HECW1: variants seen among roughly 807,000 people sequenced by gnomAD.
HECW1 encodes E3 ubiquitin-protein ligase HECW1.
HECW1 carries 61 observed loss-of-function variants against 182.3 expected under a neutral mutation model. The ratio of observed to expected loss-of-function variants is 0.33; its 90% CI spans 0.27 to 0.41. HECW1 has a LOEUF of 0.41. HECW1 is among the 10% of genes least tolerant of loss of function. The probability of loss-of-function intolerance (pLI) is 1.00; values close to 1 mark genes in which losing one functional copy is unlikely to be tolerated. For synonymous variants in HECW1, 859 were observed against 832.6 expected (o/e 1.03, Z -0.55); for missense variants, 1,739 against 2,108.9 (o/e 0.82, Z 3.44).
chr7:43,318,488 A>C lies in HECW1; in HGVS notation c.353-2147A>C, dbSNP rs537268976. Among the ~76,000 whole-genome samples the C allele has an allele frequency of 2.6e-5, 4 of 152,380 alleles. No individual in the cohort carries two copies. The South Asian group carries it at 8.3e-4, about 32-fold the overall frequency. On this transcript the variant is annotated intron_variant, in intron 4 of 29. Coordinates refer to ENST00000395891, the MANE Select transcript of HECW1 (RefSeq NM_015052.5). The stretch of plus-strand genomic sequence containing the variant: ...ATCGGTAATGAGTGTTCATTTGCCC[A>C]GTCATTTTTTTGCCAGAGAAGGGGC...
At chr7:43,408,519 C>T (rs1490978642) in intron 8 of HECW1, among the ~76,000 whole-genome samples, 2 of 148,234 alleles carry the variant, frequency 1.3e-5, no homozygotes, top group Non-Finnish European at 3.0e-5. Context: ...CCCATCTCCA[C>T]CAAAAAAAAA....
chr7:43,354,785 G>T (rs967808862), intron 5 of HECW1, among the ~76,000 whole-genome samples: 4 of 152,060 alleles, frequency 2.6e-5, no homozygotes, highest in African/African-American at 4.8e-5. Flanking sequence ...TGAGAAAGAG[G>T]TATATATCCA....
At chr7:43,408,003 C>T (rs190065620) in intron 8 of HECW1, among the ~76,000 whole-genome samples, 1 of 152,314 alleles carries the variant, frequency 6.6e-6, no homozygotes, top group Non-Finnish European at 1.5e-5. Context: ...ACGGCCTTTC[C>T]CTCTGCCCTT....
At chr7:43,451,861 G>A (rs913882232) in intron 12 of HECW1, among the ~76,000 whole-genome samples, 2 of 152,284 alleles carry the variant, frequency 1.3e-5, no homozygotes, top group Non-Finnish European at 2.9e-5. Flanking sequence ...CAGAATGCAA[G>A]GACCCAGTGT....
At chr7:43,125,386 C>A (rs192930233) in intron 2 of HECW1, among the ~76,000 whole-genome samples, 4 of 152,024 alleles carry the variant, frequency 2.6e-5, no homozygotes, top group Admixed American at 6.6e-5. Flanking sequence ...GCTCTGAGTC[C>A]AGAATGAAAA....
intron 2 of HECW1, among the ~76,000 whole-genome samples, chr7:43,150,547 T>C (rs1789185378): frequency 1.3e-5 from 2 of 152,068 alleles, no homozygotes; most frequent in Non-Finnish European, 1.5e-5. Context: ...CCTGGCTAAT[T>C]TTTGTATTTT....
intron 8 of HECW1, among the ~76,000 whole-genome samples, chr7:43,431,462 C>G (rs912385559): frequency 2.0e-5 from 3 of 152,136 alleles, no homozygotes; most frequent in African/African-American, 7.2e-5. Context: ...GACATTTAAC[C>G]AGTCCACACT....
At chr7:43,194,824 G>A (rs1161915295) in intron 2 of HECW1, among the ~76,000 whole-genome samples, 1 of 151,988 alleles carries the variant, frequency 6.6e-6, no homozygotes, top group East Asian at 1.9e-4. Flanking sequence ...CTCCCAAGTA[G>A]CTGGGATTAC....
At chr7:43,158,495 T>C (rs1026250476) in intron 2 of HECW1, among the ~76,000 whole-genome samples, 3 of 152,216 alleles carry the variant, frequency 2.0e-5, no homozygotes, top group Non-Finnish European at 4.4e-5. Flanking sequence ...TTTTCATGCA[T>C]ATCTGTGGGT....
chr7:43,468,912 T>A lies in HECW1; in HGVS notation c.2914-8T>A. 1 of 1,614,014 alleles carries A rather than the reference T, an allele frequency of 6.2e-7. No homozygotes were observed. The highest frequency in any genetic ancestry group is 2.2e-5 in the East Asian group (1 of 44,890). On this transcript the variant is annotated splice_region_variant and splice_polypyrimidine_tract_variant and intron_variant, in intron 15 of 29. Transcript: ENST00000395891. ...ACTCCTTACCCCGTCCGCCCTGACCTGTCTCAGAGTGCCTACCGAGTCTTC... is the reference window on the plus strand; with the variant it reads ...ACTCCTTACCCCGTCCGCCCTGACCAGTCTCAGAGTGCCTACCGAGTCTTC...
chr7:43,497,804 G>A (rs1031828893), intron 19 of HECW1, among the ~76,000 whole-genome samples: 1 of 152,140 alleles, frequency 6.6e-6, no homozygotes, highest in Non-Finnish European at 1.5e-5. Context: ...TTGTGCAGGT[G>A]AATGGATAAT....
chr7:43,392,447 G>T lies in HECW1; in HGVS notation c.556-4367G>T, dbSNP rs574768926. Among the ~76,000 whole-genome samples, 5 of 152,302 alleles carry T rather than the reference G, an allele frequency of 3.3e-5. No homozygotes were observed. In the East Asian group the frequency reaches 7.7e-4, roughly 24 times the overall value. On this transcript the variant is annotated intron_variant, in intron 6 of 29. Transcript: ENST00000395891. ...CAAGAGGCAGCTTAGAAAGTTCTTC[G>T]AAATCTCCTGCTTTACCTTCCAAAT... is the stretch of plus-strand genomic sequence containing the variant.
At chr7:43,320,822 C>A in intron 5 of HECW1, 80 bp downstream of exon 5, 1 of 992,162 alleles carries the variant, frequency 1.0e-6, no homozygotes, top group Non-Finnish European at 1.6e-6. Flanking sequence ...GTTCCCGTTG[C>A]ACTGCCTCCA....
At chr7:43,455,110 T>C (rs1278327377) in intron 12 of HECW1, among the ~76,000 whole-genome samples, 1 of 151,364 alleles carries the variant, frequency 6.6e-6, no homozygotes, top group African/African-American at 2.4e-5. Context: ...TCATCCATGC[T>C]TCCACCTTTT....
At chr7:43,557,223 T>C (rs780830606) in intron 29 of HECW1, among the ~76,000 whole-genome samples, 60 of 152,158 alleles carry the variant, frequency 3.9e-4, no homozygotes, top group Non-Finnish European at 6.2e-4. Context: ...AGACCCAGGG[T>C]GGCATGGGCT....
At chr7:43,542,220 A>T (rs1282237510) in intron 26 of HECW1, among the ~76,000 whole-genome samples, 1 of 152,196 alleles carries the variant, frequency 6.6e-6, no homozygotes, top group African/African-American at 2.4e-5. Flanking sequence ...ACTCCTGGCA[A>T]CTACCATTCT....
At chr7:43,212,245 T>C (rs942768975) in intron 2 of HECW1, among the ~76,000 whole-genome samples, 1 of 152,170 alleles carries the variant, frequency 6.6e-6, no homozygotes, top group African/African-American at 2.4e-5. Flanking sequence ...CTCTCTCAGA[T>C]TAGGGTTGTG....
chr7:43,377,497 G>C lies in HECW1; in HGVS notation c.555+16517G>C, dbSNP rs547816250. 1.7e-4 allele frequency among the ~76,000 whole-genome samples: 26 copies of C among 152,092 alleles called. 1 individual carries two copies. In the South Asian group the frequency reaches 5.2e-3, roughly 30 times the overall value. ...CACTTCTTTCAACCATCTAAACTAG[G>C]TGAAAGTGTCCCTGGATTTAAGGTG... On this transcript the variant is annotated intron_variant, in intron 6 of 29. Coordinates refer to ENST00000395891, the MANE Select transcript of HECW1 (RefSeq NM_015052.5).
rs1182497698 is a variant in HECW1, at chr7:43,243,278, G to C, written c.-31-597G>C. ...AGTCCTGTATGCTAATTTTGGACAT[G>C]GTAGCTCTAAAGTGCCAATGGTGAG... On this transcript the variant is annotated intron_variant, in intron 2 of 29. Coordinates refer to ENST00000395891, the MANE Select transcript of HECW1 (RefSeq NM_015052.5). This position sits in a 1 kb window ranked among gnomAD's most constrained non-coding sequence, Gnocchi z 4.0. Among the ~76,000 whole-genome samples, 1 of 152,158 alleles carries C rather than the reference G, an allele frequency of 6.6e-6. No individual in the cohort carries two copies.
Sources: allele counts gnomAD v4.1 joint callset (sites outside exome capture counted in the v4.1 genomes callset), GRCh38; gene constraint gnomAD v4.1.1; non-coding constraint Gnocchi (gnomAD v3.1); transcripts MANE v1.5; gene names NCBI Gene and HGNC (gene_info 2026-07-23, HGNC 2026-07-21).